The following ZNF423 variants were observed in gnomAD, a reference collection of about 807,000 sequenced individuals.
ZNF423 encodes the protein Ebf-associated zinc finger protein.
ZNF423 carries 12 observed loss-of-function variants against 95.8 expected under a neutral mutation model. The observed-to-expected ratio is 0.13, with a 90% CI of 0.08 to 0.20. The LOEUF (loss-of-function observed/expected upper bound fraction) is 0.20. Ranked by LOEUF, ZNF423 falls within the 10% of genes least tolerant of loss-of-function variation. The pLI is 1.00. For synonymous variants in ZNF423, 749 were observed against 711.9 expected, an observed-to-expected ratio of 1.05 and a Z score of -0.83; for missense variants, 1,316 against 1,737.1, an observed-to-expected ratio of 0.76 and a Z score of 4.31.
chr16:49,749,492 A>T (rs1355249145), intron 2 of ZNF423, among the ~76,000 whole-genome samples: 1 of 152,244 alleles, frequency 6.6e-6, no homozygotes, highest in South Asian at 2.1e-4. Flanking sequence ...AGTATAAAGA[A>T]AAATAGTAAA....
chr16:49,628,130 T>C (rs1343912709), intron 4 of ZNF423, among the ~76,000 whole-genome samples: 1 of 137,042 alleles, frequency 7.3e-6, no homozygotes, highest in Non-Finnish European at 1.6e-5. Context: ...ACTCCAACCA[T>C]CCATCCATCG....
chr16:49,697,155 G>T (rs185388645), intron 3 of ZNF423, among the ~76,000 whole-genome samples: 189 of 152,150 alleles, frequency 1.2e-3, no homozygotes, highest in Non-Finnish European at 2.3e-3. Flanking sequence ...CCTCACCAAG[G>T]TGGGATGGAG....
At chr16:49,820,324 C>T (rs376486418) in intron 1 of ZNF423, among the ~76,000 whole-genome samples, 2 of 152,184 alleles carry the variant, frequency 1.3e-5, no homozygotes, top group South Asian at 4.2e-4. Flanking sequence ...GGAATATCCG[C>T]TAGGCCTTGG....
intron 2 of ZNF423, among the ~76,000 whole-genome samples, chr16:49,779,423 C>G (rs2034173015): frequency 6.6e-6 from 1 of 152,090 alleles, no homozygotes; most frequent in Admixed American, 6.5e-5. Context: ...GGACCAGCAG[C>G]ATCAACATCA....
chr16:49,695,650 C>T (rs1285225011), intron 3 of ZNF423, among the ~76,000 whole-genome samples: 2 of 152,240 alleles, frequency 1.3e-5, no homozygotes, highest in Admixed American at 6.5e-5. Context: ...TGGTATCCAA[C>T]TCCCGACCTC....
At chr16:49,823,793 A>T (rs1231240142) in intron 1 of ZNF423, among the ~76,000 whole-genome samples, 1 of 152,128 alleles carries the variant, frequency 6.6e-6, no homozygotes, top group African/African-American at 2.4e-5. Flanking sequence ...TTCATCTGTC[A>T]TGTATCTGGG....
rs138341971 is a variant in ZNF423, at chr16:49,637,334, G to C, written c.1842C>G (p.Val614=). 3.7e-6 allele frequency: 6 copies of C among 1,614,114 alleles called. No individual in the cohort carries two copies. Among genetic ancestry groups the C allele is most frequent in the African/African-American group, 1.3e-5 (1 of 74,944 alleles). Residue 614 remains valine (V), a synonymous_variant, in exon 4 of 8, where the codon GTC becomes GTG. Coordinates refer to ENST00000563137, the MANE Select transcript of ZNF423 (RefSeq NM_001379286.1). This position sits in a 1 kb window ranked among gnomAD's most constrained non-coding sequence, Gnocchi z 5.6. Reference sequence around the variant, plus strand: ...GGGAAGACACCTCCACATCGGACGAGACTGGGCTCTGCTCGGCCTTGGACT... The same window carrying C: ...GGGAAGACACCTCCACATCGGACGACACTGGGCTCTGCTCGGCCTTGGACT... The part of the protein sequence containing the change: ...SKKSKAEQSP[V]SSDVEVSSPK...
intron 1 of ZNF423, among the ~76,000 whole-genome samples, chr16:49,807,299 C>A (rs1204038390): frequency 1.3e-5 from 2 of 151,576 alleles, no homozygotes; most frequent in East Asian, 2.0e-4. Flanking sequence ...GGCGTGGTGG[C>A]GGGCACCTGT....
intron 7 of ZNF423, among the ~76,000 whole-genome samples, chr16:49,505,736 G>C (rs1045465591): frequency 1.3e-5 from 2 of 152,248 alleles, no homozygotes; most frequent in East Asian, 3.9e-4. Context: ...CCAGCAAAGG[G>C]TGATCCCGTC....
At chr16:49,520,431 G>A (rs1968349731) in intron 7 of ZNF423, among the ~76,000 whole-genome samples, 1 of 152,172 alleles carries the variant, frequency 6.6e-6, no homozygotes, top group South Asian at 2.1e-4. Context: ...ACGTTTGGAG[G>A]GAGACATGTC....
intron 3 of ZNF423, among the ~76,000 whole-genome samples, chr16:49,644,718 C>A (rs1973114324): frequency 8.7e-6 from 1 of 115,288 alleles, no homozygotes; most frequent in African/African-American, 3.4e-5. Context: ...ACAGAGGGAA[C>A]AAGAGCTCAT....
At chr16:49,778,073 T>G (rs925016825) in intron 2 of ZNF423, among the ~76,000 whole-genome samples, 2 of 152,164 alleles carry the variant, frequency 1.3e-5, no homozygotes, top group African/African-American at 4.8e-5. Context: ...CCAGCAGCCA[T>G]CAGTTAAAGC....
Position 49,603,618 on chromosome 16 carries a change from C to T in ZNF423, c.3601+22552G>A, listed in dbSNP as rs1237333200. On this transcript the variant is annotated intron_variant, in intron 5 of 7. Transcript: ENST00000563137. This position sits in a 1 kb window ranked among gnomAD's most constrained non-coding sequence, Gnocchi z 4.1. ...AGAGACGCGGTTTCACCATGTTGGC[C>T]AGGCTGGTCTCGAACTCCTGATCTC... Among the ~76,000 whole-genome samples the T allele has an allele frequency of 6.6e-6, 1 of 152,190 alleles. No individual in the cohort carries two copies. Among genetic ancestry groups the T allele is most frequent in the Non-Finnish European group, 1.5e-5 (1 of 68,032 alleles).
intron 2 of ZNF423, among the ~76,000 whole-genome samples, chr16:49,743,240 C>G (rs560025627): frequency 3.9e-5 from 6 of 152,278 alleles, no homozygotes; most frequent in African/African-American, 1.2e-4. Flanking sequence ...CCAACTCCTC[C>G]TCACCGTTCA....
At chr16:49,524,923 TGGAGCATGGATG>T (rs1322635416) in intron 6 of ZNF423, among the ~76,000 whole-genome samples, 1 of 152,156 alleles carries the variant, frequency 6.6e-6, no homozygotes, top group Non-Finnish European at 1.5e-5. Flanking sequence ...CCCTGCATCC[TGGAGCATGGATG>T]GGAGCTAGGT....
At chr16:49,798,610 A>AT (rs112147654) in intron 1 of ZNF423, among the ~76,000 whole-genome samples, 6 of 152,132 alleles carry the variant, frequency 3.9e-5, no homozygotes, top group Admixed American at 6.5e-5. Context: ...AATACATACA[A>AT]TTTTTTTTAA....
chr16:49,521,744 G>T (rs994474213), intron 7 of ZNF423, among the ~76,000 whole-genome samples: 1 of 152,212 alleles, frequency 6.6e-6, no homozygotes, highest in Non-Finnish European at 1.5e-5. Flanking sequence ...AAAGAAACAG[G>T]CTTTCCACCA....
chr16:49,500,398 T>C (rs1260577868), intron 7 of ZNF423, among the ~76,000 whole-genome samples: 1 of 152,312 alleles, frequency 6.6e-6, no homozygotes, highest in East Asian at 1.9e-4. Flanking sequence ...CTGTGGCCAC[T>C]GCAAACTCCA....
At chr16:49,749,304 C>T (rs2033587971) in intron 2 of ZNF423, among the ~76,000 whole-genome samples, 1 of 152,208 alleles carries the variant, frequency 6.6e-6, no homozygotes, top group African/African-American at 2.4e-5. Flanking sequence ...CAGGTCCTGA[C>T]CTTGACAGGG....
Sources: allele counts gnomAD v4.1 joint callset (sites outside exome capture counted in the v4.1 genomes callset), GRCh38; gene constraint gnomAD v4.1.1; non-coding constraint Gnocchi (gnomAD v3.1); transcripts MANE v1.5; gene names NCBI Gene and HGNC (gene_info 2026-07-23, HGNC 2026-07-21).